ADGRB3: variants seen among roughly 807,000 people sequenced by gnomAD.
ADGRB3 encodes brain-specific angiogenesis inhibitor 3.
In ADGRB3, 37 loss-of-function variants were observed where a neutral mutation model predicts 193.4. The ratio of observed to expected loss-of-function variants is 0.19; its 90% CI spans 0.15 to 0.25. The LOEUF is 0.25. Ranked by LOEUF, ADGRB3 falls within the 10% of genes least tolerant of loss-of-function variation. ADGRB3 has a pLI of 1.00. For missense variants in ADGRB3, 1,637 were observed against 1,852.9 expected (o/e 0.88, Z 2.14); for synonymous variants, 690 against 644.2 (o/e 1.07, Z -1.08).
intron 3 of ADGRB3, among the ~76,000 whole-genome samples, chr6:68,866,447 C>T (rs1400119116): frequency 6.6e-6 from 1 of 152,214 alleles, no homozygotes; most frequent in Admixed American, 6.5e-5. Context: ...TTATAAATTA[C>T]CCAGTCTCAG....
intron 3 of ADGRB3, among the ~76,000 whole-genome samples, chr6:68,905,274 C>T (rs1337679355): frequency 6.6e-6 from 1 of 152,124 alleles, no homozygotes; most frequent in East Asian, 1.9e-4. Context: ...GTCACCTAAT[C>T]AATTCTGAAG....
At chr6:69,287,931 A>G (rs551319991) in intron 20 of ADGRB3, among the ~76,000 whole-genome samples, 1 of 152,326 alleles carries the variant, frequency 6.6e-6, no homozygotes, top group South Asian at 2.1e-4. Context: ...TAAACTATGT[A>G]GGAACTTTTA....
chr6:68,938,371 A>G lies in ADGRB3; in HGVS notation c.1030+1691A>G, dbSNP rs182857250. On this transcript the variant is annotated intron_variant, in intron 5 of 31. Coordinates refer to ENST00000370598, the MANE Select transcript of ADGRB3 (RefSeq NM_001704.3). ...GTAGAAGTAAGGACCAGGGGATTCT[A>G]TTTTATTTTATTTTTTAAACTGGCA... Among the ~76,000 whole-genome samples the G allele has an allele frequency of 8.1e-4, 123 of 151,186 alleles. 1 individual carries two copies. Among genetic ancestry groups the G allele is most frequent in the Admixed American group, 1.4e-3 (21 of 15,128 alleles).
At chr6:69,191,982 G>T (rs2150355130) in intron 17 of ADGRB3, among the ~76,000 whole-genome samples, 1 of 152,232 alleles carries the variant, frequency 6.6e-6, no homozygotes, top group East Asian at 1.9e-4. Flanking sequence ...CAACTTGGAA[G>T]GCAAGGTCCT....
intron 26 of ADGRB3, 143 bp from the exon 27 acceptor site, chr6:69,354,088 TAA>T (rs1769285051): frequency 7.6e-6 from 4 of 523,178 alleles, no homozygotes; most frequent in Admixed American, 6.0e-5. Flanking sequence ...GTAATAATAA[TAA>T]GTTTTTTTAA....
At chr6:68,881,398 G>T (rs1309211530) in intron 3 of ADGRB3, among the ~76,000 whole-genome samples, 4 of 152,082 alleles carry the variant, frequency 2.6e-5, no homozygotes, top group Non-Finnish European at 5.9e-5. Context: ...ATGCTGGCAT[G>T]TAGTAGATGC....
chr6:68,929,766 A>G (rs1403726795), intron 3 of ADGRB3, among the ~76,000 whole-genome samples: 1 of 152,120 alleles, frequency 6.6e-6, no homozygotes, highest in East Asian at 1.9e-4. Flanking sequence ...AAAATATGTT[A>G]TATGGAAGGT....
chr6:68,945,809 G>A (rs1041593453), intron 6 of ADGRB3, among the ~76,000 whole-genome samples: 4 of 152,080 alleles, frequency 2.6e-5, no homozygotes, highest in African/African-American at 9.7e-5. Flanking sequence ...TTACAGTTCA[G>A]ATGTGAAAAC....
At chr6:69,228,261 A>G (rs559210087) in intron 17 of ADGRB3, among the ~76,000 whole-genome samples, 1 of 152,334 alleles carries the variant, frequency 6.6e-6, no homozygotes, top group Admixed American at 6.5e-5. Flanking sequence ...CATCTCAAAG[A>G]AAAAAGAAAA....
intron 17 of ADGRB3, among the ~76,000 whole-genome samples, chr6:69,206,076 T>TAC (rs2150359540): frequency 7.1e-6 from 1 of 140,610 alleles, no homozygotes; most frequent in East Asian, 2.0e-4. Context: ...TATATATATA[T>TAC]ATGAGTTTAT....
At chr6:68,836,784 G>A (rs75126976) in intron 3 of ADGRB3, among the ~76,000 whole-genome samples, 2,679 of 152,214 alleles carry the variant, frequency 0.018, 77 homozygotes, top group African/African-American at 0.062. Context: ...GAGCCCAGAA[G>A]TTTGAGACCA....
intron 24 of ADGRB3, among the ~76,000 whole-genome samples, chr6:69,335,199 A>G (rs1045858036): frequency 6.6e-6 from 1 of 152,148 alleles, no homozygotes; most frequent in African/African-American, 2.4e-5. Flanking sequence ...TAATTATTTT[A>G]TGTGTAAAGC....
intron 3 of ADGRB3, among the ~76,000 whole-genome samples, chr6:68,686,289 T>A (rs1764982061): frequency 6.6e-6 from 1 of 152,188 alleles, no homozygotes; most frequent in South Asian, 2.1e-4. Flanking sequence ...AATAAGCAGA[T>A]ACGATTTTTC....
intron 17 of ADGRB3, among the ~76,000 whole-genome samples, chr6:69,209,031 G>A (rs1765600241): frequency 6.6e-6 from 1 of 152,130 alleles, no homozygotes; most frequent in African/African-American, 2.4e-5. Context: ...AATCCTAGAG[G>A]CCTCCACTGT....
At chr6:68,932,550 A>G (rs1767369886) in intron 4 of ADGRB3, among the ~76,000 whole-genome samples, 1 of 152,078 alleles carries the variant, frequency 6.6e-6, no homozygotes, top group Non-Finnish European at 1.5e-5. Flanking sequence ...AACAGAAGAC[A>G]ATTATAATGT....
intron 3 of ADGRB3, among the ~76,000 whole-genome samples, chr6:68,846,052 G>A (rs1391576311): frequency 1.3e-5 from 2 of 152,188 alleles, no homozygotes; most frequent in East Asian, 1.9e-4. Context: ...AGATGGAGAT[G>A]AAGAACCTCT....
intron 3 of ADGRB3, among the ~76,000 whole-genome samples, chr6:68,674,801 G>A (rs1769047732): frequency 1.3e-5 from 2 of 152,192 alleles, no homozygotes; most frequent in South Asian, 2.1e-4. Context: ...TTTTTCCAGA[G>A]TGCCACAGCA....
intron 3 of ADGRB3, among the ~76,000 whole-genome samples, chr6:68,882,287 T>C (rs1290662248): frequency 6.6e-6 from 1 of 152,178 alleles, no homozygotes; most frequent in African/African-American, 2.4e-5. Flanking sequence ...TTTGAAGTAG[T>C]GACTCAATAT....
At chr6:69,097,991 A>C (rs1321951232) in intron 17 of ADGRB3, among the ~76,000 whole-genome samples, 1 of 152,232 alleles carries the variant, frequency 6.6e-6, no homozygotes, top group Non-Finnish European at 1.5e-5. Context: ...TAGATAATTT[A>C]GGTAAAAAAT....
Sources: gnomAD v4.1 joint callset for allele counts (sites outside exome capture counted in the v4.1 genomes callset) on GRCh38, gnomAD v4.1.1 for gene constraint, MANE v1.5 for transcripts, NCBI Gene and HGNC (gene_info 2026-07-23, HGNC 2026-07-21) for gene names.